The following ABCA4 variants were observed in gnomAD, a reference collection of about 807,000 sequenced individuals.
ABCA4 encodes ATP binding cassette subfamily A member 4, also known as retinal-specific phospholipid-transporting ATPase ABCA4.
In ABCA4, 196 loss-of-function variants were observed where a neutral mutation model predicts 263.7. That is an observed-to-expected ratio of 0.74 (90% CI 0.66 to 0.84). The LOEUF is 0.84. Among genes scored for constraint, ABCA4 ranks in the 40% least tolerant of loss-of-function variants. The pLI, the probability that ABCA4 is intolerant of heterozygous loss-of-function variation, is 0.00. For missense variants in ABCA4, 2,792 were observed against 2,855.1 expected (o/e 0.98, Z 0.50); for synonymous variants, 1,133 against 1,094.2 (o/e 1.04, Z -0.70).
rs6703253 is a variant in ABCA4, at chr1:94,026,536, A to C, written c.4540-1488T>G. Reference sequence around the variant, plus strand: ...TGTCTCCTCCTTGCTCTTTTCACTGAGTCACCTGCTTCTCAAGCTGAAAGT... The same window carrying C: ...TGTCTCCTCCTTGCTCTTTTCACTGCGTCACCTGCTTCTCAAGCTGAAAGT... On this transcript the variant is annotated intron_variant, in intron 30 of 49. Transcript: ENST00000370225. 2.7e-3 allele frequency among the ~76,000 whole-genome samples: 412 copies of C among 152,286 alleles called. 2 individuals are homozygous for C. The highest frequency in any genetic ancestry group is 9.5e-3 in the African/African-American group (395 of 41,544).
chr1:94,073,943 C>T (rs1661471601), intron 11 of ABCA4, among the ~76,000 whole-genome samples: 2 of 152,170 alleles, frequency 1.3e-5, no homozygotes, highest in African/African-American at 2.4e-5. Flanking sequence ...TATGTTATAA[C>T]AGCAGTGGGT....
At position 94,029,558 on chromosome 1, in the gene ABCA4, T is replaced by C. The variant is rs1224522600; in HGVS notation, c.4426A>G (p.Lys1476Glu). The C allele has an allele frequency of 5.0e-6, 8 of 1,613,798 alleles. No individual in the cohort carries two copies. In the East Asian group the frequency reaches 1.8e-4, roughly 36 times the overall value. The change falls in exon 30 of 50, where the codon AAG becomes GAG. Residue 1476 changes from lysine to glutamate, a missense_variant. By Grantham distance (56) the Lys-to-Glu change is moderately conservative. Transcript: ENST00000370225. ...GGGTTGACCTGTGTCCATTTCTGCT[T>C]CTGGAACAGCTGGGTGATGTTTGGG... ...VSPNITQLFQ[K>E]QKWTQVNPSP...
chr1:94,087,646 G>A (rs1661867230), intron 6 of ABCA4, among the ~76,000 whole-genome samples: 2 of 152,210 alleles, frequency 1.3e-5, no homozygotes, highest in African/African-American at 2.4e-5. Context: ...CAGCCTGGGG[G>A]TCTTGAGGAA....
At chr1:94,112,784 G>A (rs1056112493) in intron 2 of ABCA4, among the ~76,000 whole-genome samples, 189 bp downstream of exon 2, 6 of 152,214 alleles carry the variant, frequency 3.9e-5, no homozygotes, top group Non-Finnish European at 5.9e-5. Flanking sequence ...AACAGAGTGA[G>A]ACCCTGTCTC....
chr1:94,044,482 G>A, intron 20 of ABCA4, 131 bp downstream of exon 20: 3 of 1,401,558 alleles, frequency 2.1e-6, no homozygotes, highest in South Asian at 1.2e-5. Context: ...TAAACATAGG[G>A]GAAACCAAAT....
At chr1:94,057,062 G>T (rs926078780) in intron 14 of ABCA4, among the ~76,000 whole-genome samples, 22 of 152,208 alleles carry the variant, frequency 1.4e-4, no homozygotes, top group African/African-American at 5.3e-4. Flanking sequence ...AGGTTGAAAC[G>T]GCCCCAGCAT....
At chr1:94,063,864 T>C (rs28715983) in intron 11 of ABCA4, among the ~76,000 whole-genome samples, 4,373 of 152,158 alleles carry the variant, frequency 0.029, 179 homozygotes, top group African/African-American at 0.091. Flanking sequence ...CACTTCCAAT[T>C]ACAATTCTGT....
At chr1:94,009,979 T>C (rs1659502515) in intron 40 of ABCA4, among the ~76,000 whole-genome samples, 1 of 152,224 alleles carries the variant, frequency 6.6e-6, no homozygotes, top group South Asian at 2.1e-4. Flanking sequence ...CTCATTCACC[T>C]CTCACAGTCC....
At position 94,063,324 on chromosome 1, in the gene ABCA4, A is replaced by G. The variant is rs1661181648; in HGVS notation, c.1555-7T>C. 1.2e-6 allele frequency: 2 copies of G among 1,613,908 alleles called. No individual in the cohort carries two copies. The highest frequency in any genetic ancestry group is 1.7e-6 in the Non-Finnish European group (2 of 1,179,782). The stretch of plus-strand genomic sequence containing the variant: ...ACTTATCCAGGACCAAGCACTGCAG[A>G]GAGTCACAAAGTTGAGAGAGTGTGA... On this transcript the variant is annotated splice_polypyrimidine_tract_variant and splice_region_variant and intron_variant, in intron 11 of 49. Coordinates refer to ENST00000370225, the MANE Select transcript of ABCA4 (RefSeq NM_000350.3).
chr1:94,001,409 G>A (rs1180851875), intron 45 of ABCA4: 2 of 518,610 alleles, frequency 3.9e-6, no homozygotes, highest in Non-Finnish European at 7.0e-6. Flanking sequence ...TTTGTCAGAA[G>A]GCAGGGAGGT....
rs998363634 is a variant in ABCA4, at chr1:93,996,138, G to A, written c.6787C>T (p.Arg2263Ter). 43 of 1,613,930 alleles carry A rather than the reference G, an allele frequency of 2.7e-5. No homozygotes were observed. Among genetic ancestry groups the A allele is most frequent in the Non-Finnish European group, 3.1e-5 (37 of 1,180,042 alleles). The part of the protein sequence containing the change: ...TESHDLPLHP[R>*]AAGASRQAQD Reference sequence around the variant, plus strand: ...GCTTGTCGACTGGCTCCAGCAGCTCGAGGGTGCAGAGGGAGGTCATGACTT... The same window carrying A: ...GCTTGTCGACTGGCTCCAGCAGCTCAAGGGTGCAGAGGGAGGTCATGACTT... Residue 2263 changes from arginine to a stop codon, truncating the protein, a stop_gained, in exon 49 of 50, where the codon CGA becomes TGA. Transcript: ENST00000370225. LOFTEE classifies it high-confidence loss of function.
intron 34 of ABCA4, 82 bp downstream of exon 34, chr1:94,021,558 A>G (rs1308024549): frequency 1.3e-6 from 2 of 1,507,482 alleles, no homozygotes; most frequent in Admixed American, 1.8e-5. Flanking sequence ...GATGGAATTT[A>G]ATGAAGGTAG....
chr1:94,026,459 G>A (rs1660042930), intron 30 of ABCA4, among the ~76,000 whole-genome samples: 1 of 152,116 alleles, frequency 6.6e-6, no homozygotes, highest in Non-Finnish European at 1.5e-5. Context: ...GCACTGACTG[G>A]GCTGCAAACT....
chr1:94,043,251 G>T, intron 21 of ABCA4, 85 bp downstream of exon 21: 1 of 1,591,242 alleles, frequency 6.3e-7, no homozygotes, highest in Non-Finnish European at 8.6e-7. Flanking sequence ...AAGCTCTCCT[G>T]CTCCAAGCCT....
intron 27 of ABCA4, 74 bp downstream of exon 27, chr1:94,031,704 G>C: frequency 2.5e-6 from 4 of 1,591,890 alleles, no homozygotes; most frequent in Non-Finnish European, 3.4e-6. Context: ...ATGCCTGAAG[G>C]AACACTCAGG....
intron 4 of ABCA4, among the ~76,000 whole-genome samples, chr1:94,104,376 C>T (rs879415837): frequency 2.6e-5 from 4 of 152,134 alleles, no homozygotes; most frequent in Non-Finnish European, 5.9e-5. Flanking sequence ...CATCACATGT[C>T]CCCATTCTTT....
intron 22 of ABCA4, among the ~76,000 whole-genome samples, chr1:94,041,968 G>A (rs982002216): frequency 3.2e-4 from 49 of 151,860 alleles, no homozygotes; most frequent in African/African-American, 9.9e-4. Flanking sequence ...GCGTGGTGGC[G>A]GGCACCTGTA....
Position 94,021,115 on chromosome 1 carries a change from A to G in ABCA4, c.5018+125T>C. On this transcript the variant is annotated intron_variant, in intron 35 of 49. Transcript: ENST00000370225. Reference sequence around the variant, plus strand: ...ACTTATTTGAAAGTCGGATGTTCATATGTGCCTGACTAAACAGCATTACCA... The same window carrying G: ...ACTTATTTGAAAGTCGGATGTTCATGTGTGCCTGACTAAACAGCATTACCA... 19 of 1,349,918 alleles carry G rather than the reference A, an allele frequency of 1.4e-5. No individual in the cohort carries two copies. In the South Asian group the frequency reaches 1.8e-4, roughly 13 times the overall value. 83.6% of individuals were successfully genotyped at this position (1,349,918 alleles called of 1,614,324 possible).
Position 94,098,903 on chromosome 1 carries a change from C to A in ABCA4, c.659G>T (p.Arg220Leu). ...LERFIIFSQR[R>L]GAKTVRYALC... is the part of the protein sequence containing the mutation. The stretch of plus-strand genomic sequence containing the variant: ...GGCATAGCGCACCGTCTTTGCCCCG[C>A]GTCTCTGGCTGAAGATGATGAAGCG... Residue 220 changes from arginine to leucine, a missense_variant, in exon 6 of 50, where the codon CGC becomes CTC. Physicochemically the swap from Arg to Leu is moderately radical, Grantham distance 102 (BLOSUM62 -2). Transcript: ENST00000370225. 6.2e-7 allele frequency: 1 copy of A among 1,613,966 alleles called. No individual in the cohort carries two copies. Among genetic ancestry groups the A allele is most frequent in the Non-Finnish European group, 8.5e-7 (1 of 1,180,032 alleles).
Sources: allele counts gnomAD v4.1 joint callset (sites outside exome capture counted in the v4.1 genomes callset), GRCh38; gene constraint gnomAD v4.1.1; transcripts MANE v1.5; gene names NCBI Gene and HGNC (gene_info 2026-07-23, HGNC 2026-07-21).